EIF4B: variants seen among roughly 807,000 people sequenced by gnomAD.
The protein encoded by EIF4B is eukaryotic translation initiation factor 4B.
A neutral mutation model predicts 79.3 loss-of-function variants in EIF4B; 8 were observed. The ratio of observed to expected loss-of-function variants is 0.10; its 90% CI spans 0.06 to 0.18. The LOEUF (loss-of-function observed/expected upper bound fraction) is 0.18. Ranked by LOEUF, EIF4B falls within the 10% of genes least tolerant of loss-of-function variation. The pLI, the probability that EIF4B is intolerant of heterozygous loss-of-function variation, is 1.00. For synonymous variants in EIF4B, 238 were observed against 274.7 expected (o/e 0.87, Z 1.32); for missense variants, 515 against 792.4 (o/e 0.65, Z 4.20).
At chr12:53,009,171 C>T (rs1451579341) in intron 1 of EIF4B, among the ~76,000 whole-genome samples, 1 of 152,162 alleles carries the variant, frequency 6.6e-6, no homozygotes, top group Non-Finnish European at 1.5e-5. Context: ...CATTATTTAT[C>T]TGCTGTCCCC....
In EIF4B at chr12:53,022,575, A is replaced by G. The variant is rs748508004; in HGVS notation, c.615A>G (p.Thr205=). 5 of 1,613,918 alleles carry G rather than the reference A, an allele frequency of 3.1e-6. No individual in the cohort carries two copies. In the South Asian group the frequency reaches 5.5e-5, roughly 18 times the overall value. ...TDTDWRARPA[T]DSFDDYPPRR... ...CAGACTGGAGGGCTCGTCCTGCTAC[A>G]GACAGCTTTGATGACTACCCACCTA... is the stretch of plus-strand genomic sequence containing the variant. Residue 205 remains threonine, a synonymous_variant, in exon 6 of 15, where the codon ACA becomes ACG. Transcript: ENST00000262056.
intron 1 of EIF4B, among the ~76,000 whole-genome samples, chr12:53,006,940 G>C (rs1300294079): frequency 2.7e-5 from 4 of 147,128 alleles, no homozygotes. Context: ...GGGGGTAGGG[G>C]AGTAAGTGTG....
intron 6 of EIF4B, among the ~76,000 whole-genome samples, chr12:53,023,654 G>T (rs1371544908): frequency 6.9e-6 from 1 of 143,966 alleles, no homozygotes; most frequent in Non-Finnish European, 1.5e-5. Context: ...CATGATCTCA[G>T]GTCACCTCAA....
intron 4 of EIF4B, among the ~76,000 whole-genome samples, chr12:53,020,888 C>T (rs969911919): frequency 6.6e-6 from 1 of 152,066 alleles, no homozygotes; most frequent in Non-Finnish European, 1.5e-5. Context: ...CATTACTGGT[C>T]TCTAACTTTA....
Position 53,029,611 on chromosome 12 carries a change from T to C in EIF4B, c.979+1423T>C, listed in dbSNP as rs551490875. On this transcript the variant is annotated intron_variant, in intron 8 of 14. Coordinates refer to ENST00000262056, the MANE Select transcript of EIF4B (RefSeq NM_001417.7). ...GGCTGGTCTCAATCTCTTGACCTCG[T>C]GATCCGCCTGCCTTGGCCTCCCAAA... is the stretch of plus-strand genomic sequence containing the variant. 7.2e-5 allele frequency among the ~76,000 whole-genome samples: 11 copies of C among 152,294 alleles called. No homozygotes were observed. In the South Asian group the frequency reaches 2.3e-3, roughly 32 times the overall value.
intron 5 of EIF4B, 86 bp from the exon 6 acceptor site, chr12:53,022,407 G>A: frequency 2.5e-6 from 4 of 1,579,464 alleles, no homozygotes; most frequent in Non-Finnish European, 2.6e-6. Flanking sequence ...GAAAAATAGG[G>A]TAAAATGGGG....
At chr12:53,009,321 C>A (rs997724781) in intron 1 of EIF4B, among the ~76,000 whole-genome samples, 6 of 151,996 alleles carry the variant, frequency 3.9e-5, no homozygotes, top group Admixed American at 3.9e-4. Context: ...AACAGGAGTT[C>A]GAGACCAGCC....
intron 6 of EIF4B, among the ~76,000 whole-genome samples, chr12:53,023,310 G>A (rs1240828328): frequency 1.3e-5 from 2 of 151,958 alleles, no homozygotes; most frequent in African/African-American, 2.4e-5. Flanking sequence ...TTGGCTCACT[G>A]CAACCTCCAC....
chr12:53,032,892 A>T (rs994053262), intron 8 of EIF4B, among the ~76,000 whole-genome samples: 1 of 152,032 alleles, frequency 6.6e-6, no homozygotes, highest in African/African-American at 2.4e-5. Context: ...GCTGGTCTCG[A>T]ACTCCTGATC....
At chr12:53,017,915 G>A (rs1565585511) in intron 2 of EIF4B, among the ~76,000 whole-genome samples, 2 of 152,138 alleles carry the variant, frequency 1.3e-5, no homozygotes. Context: ...TATATAGGTC[G>A]TACTTCCCAT....
intron 2 of EIF4B, 83 bp from the exon 3 acceptor site, chr12:53,018,715 G>A (rs1238749632): frequency 6.7e-7 from 1 of 1,496,204 alleles, no homozygotes; most frequent in East Asian, 2.3e-5. Context: ...TTTAATATTT[G>A]GCAATTAACA....
rs755625218 is a variant in EIF4B, at chr12:53,016,540, T to A, written c.81T>A (p.Thr27=). ...ACTTTCTGGCTGAGGATGGGGGTAC[T>A]GGTGGAGGAAGCACCTATGTTTCCA... ...LTDFLAEDGG[T]GGGSTYVSKP... The change falls in exon 2 of 15, where the codon ACT becomes ACA. Residue 27 remains threonine (T), a synonymous_variant. Coordinates refer to ENST00000262056, the MANE Select transcript of EIF4B (RefSeq NM_001417.7). 34 of 1,613,506 alleles carry A rather than the reference T, an allele frequency of 2.1e-5. No individual in the cohort carries two copies. The highest frequency in any genetic ancestry group is 2.8e-5 in the Non-Finnish European group (33 of 1,179,896).
At chr12:53,038,144 C>A (rs1050632690) in intron 11 of EIF4B, 2 of 402,852 alleles carry the variant, frequency 5.0e-6, no homozygotes, top group Non-Finnish European at 8.9e-6. Context: ...CAATACTAAT[C>A]CTGCATGATG....
chr12:53,034,936 G>GTTGT (rs1260957523), intron 10 of EIF4B, among the ~76,000 whole-genome samples: 1 of 144,120 alleles, frequency 6.9e-6, no homozygotes, highest in Non-Finnish European at 1.5e-5. Flanking sequence ...TGTATACTTG[G>GTTGT]TTGTTAGGTT....
chr12:53,022,733 G>T (rs1200245021), intron 6 of EIF4B, 106 bp downstream of exon 6: 2 of 1,348,116 alleles, frequency 1.5e-6, no homozygotes, highest in Admixed American at 3.3e-5. Flanking sequence ...GATAGAAGGA[G>T]GAAAGCAGAT....
chr12:53,027,265 C>T (rs1943353021), intron 6 of EIF4B, among the ~76,000 whole-genome samples: 1 of 150,642 alleles, frequency 6.6e-6, no homozygotes, highest in Non-Finnish European at 1.5e-5. Flanking sequence ...TCCCAAGTAG[C>T]TGGGACTGCA....
intron 8 of EIF4B, among the ~76,000 whole-genome samples, chr12:53,028,414 G>A (rs1272317157): frequency 6.6e-6 from 1 of 151,892 alleles, no homozygotes; most frequent in Non-Finnish European, 1.5e-5. Context: ...TCTCTACCAG[G>A]TGTGGTGGCA....
At chr12:53,014,295 C>T (rs1401418184) in intron 1 of EIF4B, among the ~76,000 whole-genome samples, 2 of 151,708 alleles carry the variant, frequency 1.3e-5, no homozygotes, top group African/African-American at 4.8e-5. Flanking sequence ...GCCTGTAGTC[C>T]CAGCCACTTG....
At position 53,038,352 on chromosome 12, in the gene EIF4B, C is replaced by A; in HGVS notation, c.1521-4C>A. The A allele has an allele frequency of 6.3e-7, 1 of 1,585,418 alleles. No homozygotes were observed. Among genetic ancestry groups the A allele is most frequent in the Non-Finnish European group, 8.6e-7 (1 of 1,165,594 alleles). ...ATGAATGTGATTACCTGTTTTCCTT[C>A]TAGTGGTGGGGGAAAAGTAGCTCCA... On this transcript the variant is annotated splice_polypyrimidine_tract_variant and splice_region_variant and intron_variant, in intron 11 of 14. Coordinates refer to ENST00000262056, the MANE Select transcript of EIF4B (RefSeq NM_001417.7).
Sources: allele counts gnomAD v4.1 joint callset (sites outside exome capture counted in the v4.1 genomes callset), GRCh38; gene constraint gnomAD v4.1.1; transcripts MANE v1.5; gene names NCBI Gene and HGNC (gene_info 2026-07-23, HGNC 2026-07-21).